Variants in NALF1 observed in about 807,000 individuals in gnomAD.
NALF1 encodes the protein NALCN channel auxiliary factor 1.
In NALF1, 3 loss-of-function variants were observed where a neutral mutation model predicts 48.4. The observed-to-expected ratio is 0.06, with a 90% CI of 0.03 to 0.16. The LOEUF is 0.16. Ranked by LOEUF, NALF1 falls within the 10% of genes least tolerant of loss-of-function variation. The pLI is 1.00. For synonymous variants in NALF1, 262 were observed against 245.7 expected, an observed-to-expected ratio of 1.07 and a Z score of -0.62; for missense variants, 526 against 571.5, an observed-to-expected ratio of 0.92 and a Z score of 0.81.
At chr13:107,214,448 A>C (rs961269601) in intron 1 of NALF1, among the ~76,000 whole-genome samples, 1 of 152,194 alleles carries the variant, frequency 6.6e-6, no homozygotes, top group Non-Finnish European at 1.5e-5. Flanking sequence ...ACTGCAGAGT[A>C]TAAATAATTA....
At chr13:107,800,341 T>C (rs1276503621) in intron 1 of NALF1, among the ~76,000 whole-genome samples, 1 of 152,070 alleles carries the variant, frequency 6.6e-6, no homozygotes, top group Non-Finnish European at 1.5e-5. Flanking sequence ...TATCGTATTT[T>C]TATTGTTATT....
At position 107,795,182 on chromosome 13, in the gene NALF1, T is replaced by G. The variant is rs375748070; in HGVS notation, c.915+70500A>C. Among the ~76,000 whole-genome samples the G allele has an allele frequency of 1.7e-4, 26 of 152,322 alleles. 1 individual carries two copies. Among genetic ancestry groups the G allele is most frequent in the African/African-American group, 6.3e-4 (26 of 41,580 alleles). On this transcript the variant is annotated intron_variant, in intron 1 of 2. Coordinates refer to ENST00000375915, the MANE Select transcript of NALF1 (RefSeq NM_001080396.3). ...CAAGCGTAACTACAAACCATGCCTG[T>G]GTTTCTGGATAAAATAAAACATAGC...
chr13:107,660,987 T>C (rs1880721761), intron 1 of NALF1, among the ~76,000 whole-genome samples: 1 of 152,230 alleles, frequency 6.6e-6, no homozygotes, highest in African/African-American at 2.4e-5. Context: ...AAAGGATTAC[T>C]TTCTTCATTG....
At chr13:107,216,915 C>T (rs966320038) in intron 1 of NALF1, among the ~76,000 whole-genome samples, 1 of 152,132 alleles carries the variant, frequency 6.6e-6, no homozygotes, top group Non-Finnish European at 1.5e-5. Context: ...GCTGTGCTTT[C>T]GCAAATAGAG....
In NALF1 at chr13:107,163,565, T is replaced by C. The variant is rs1023104203; in HGVS notation, c.*6932A>G. ...TTTGTATTTTAATAATTTTAGAAGT[T>C]GAAATTTAAGATCCAAGGCATTTCT... On this transcript the variant is annotated 3_prime_UTR_variant, in exon 3 of 3. Coordinates refer to ENST00000375915, the MANE Select transcript of NALF1 (RefSeq NM_001080396.3). 7 of 152,330 alleles carry C rather than the reference T, an allele frequency of 4.6e-5. No individual in the cohort carries two copies. The highest frequency in any genetic ancestry group is 1.7e-4 in the African/African-American group (7 of 41,572). The allele number at this position is 152,330 out of a possible 1,614,324, so 9.4% of individuals were successfully genotyped here.
chr13:107,229,561 G>A (rs1249159859), intron 1 of NALF1, among the ~76,000 whole-genome samples: 1 of 152,146 alleles, frequency 6.6e-6, no homozygotes, highest in Non-Finnish European at 1.5e-5. Flanking sequence ...AAGAGAGCAG[G>A]GTAAGGAGTC....
At chr13:107,258,307 T>C (rs1024964211) in intron 1 of NALF1, among the ~76,000 whole-genome samples, 6 of 152,240 alleles carry the variant, frequency 3.9e-5, no homozygotes, top group African/African-American at 1.2e-4. Context: ...TTGCTAAATC[T>C]GTATTTCAAG....
At chr13:107,418,374 T>C (rs1011295137) in intron 1 of NALF1, among the ~76,000 whole-genome samples, 4 of 152,144 alleles carry the variant, frequency 2.6e-5, no homozygotes, top group Admixed American at 2.0e-4. Context: ...ACTCCCAATA[T>C]GAGGCTGTAA....
At chr13:107,210,885 G>A (rs758158283) in intron 1 of NALF1, 130 bp from the exon 2 acceptor site, 23 of 617,856 alleles carry the variant, frequency 3.7e-5, no homozygotes, top group Admixed American at 1.1e-4. Context: ...GTGAGAAAGC[G>A]TATTTACACA....
chr13:107,373,606 A>T lies in NALF1; in HGVS notation c.916-162851T>A, dbSNP rs371427622. 9.8e-5 allele frequency among the ~76,000 whole-genome samples: 15 copies of T among 152,294 alleles called. No individual in the cohort carries two copies. In the South Asian group the frequency reaches 3.1e-3, roughly 32 times the overall value. On this transcript the variant is annotated intron_variant, in intron 1 of 2. Transcript: ENST00000375915. ...AGACTGAATAAAAAGGGCTCTACACATTTCCAGGGCTACTCCATCTGATTG... is the reference window on the plus strand; with the variant it reads ...AGACTGAATAAAAAGGGCTCTACACTTTTCCAGGGCTACTCCATCTGATTG...
intron 1 of NALF1, among the ~76,000 whole-genome samples, chr13:107,653,415 T>C (rs1432104196): frequency 6.6e-6 from 1 of 152,094 alleles, no homozygotes; most frequent in Non-Finnish European, 1.5e-5. Context: ...AGGAATCATT[T>C]ATTTTAGTCC....
At chr13:107,196,628 G>GA (rs1879398328) in intron 2 of NALF1, among the ~76,000 whole-genome samples, 1 of 152,232 alleles carries the variant, frequency 6.6e-6, no homozygotes, top group South Asian at 2.1e-4. Flanking sequence ...CTTACATGTG[G>GA]AATCTAAAAA....
At chr13:107,281,336 G>A (rs1456838909) in intron 1 of NALF1, among the ~76,000 whole-genome samples, 2 of 152,184 alleles carry the variant, frequency 1.3e-5, no homozygotes, top group Non-Finnish European at 2.9e-5. Context: ...ATTTTGCACA[G>A]CAGGAAGGAG....
chr13:107,578,846 A>G (rs1878223862), intron 1 of NALF1, among the ~76,000 whole-genome samples: 1 of 152,090 alleles, frequency 6.6e-6, no homozygotes, highest in Admixed American at 6.6e-5. Context: ...TTTGTATTTC[A>G]TTTCTTAAGT....
At chr13:107,668,526 T>C (rs898248335) in intron 1 of NALF1, among the ~76,000 whole-genome samples, 3 of 152,060 alleles carry the variant, frequency 2.0e-5, no homozygotes, top group African/African-American at 7.2e-5. Flanking sequence ...CTTCTGTTTG[T>C]CTGATACCTA....
intron 1 of NALF1, among the ~76,000 whole-genome samples, chr13:107,601,514 T>C (rs1285094923): frequency 6.6e-6 from 1 of 152,172 alleles, no homozygotes; most frequent in Admixed American, 6.6e-5. Flanking sequence ...CCAAATGCAG[T>C]TAGAATTCAC....
intron 1 of NALF1, among the ~76,000 whole-genome samples, chr13:107,404,609 C>T (rs1883868319): frequency 6.6e-6 from 1 of 151,984 alleles, no homozygotes; most frequent in Non-Finnish European, 1.5e-5. Flanking sequence ...GAACAATACA[C>T]AGAGATGTCA....
chr13:107,341,947 G>C (rs896751713), intron 1 of NALF1, among the ~76,000 whole-genome samples: 3 of 151,848 alleles, frequency 2.0e-5, no homozygotes, highest in African/African-American at 7.3e-5. Flanking sequence ...TTCTCACAGA[G>C]AGTAAATTCT....
intron 1 of NALF1, among the ~76,000 whole-genome samples, chr13:107,637,277 G>C (rs939476039): frequency 1.3e-5 from 2 of 151,742 alleles, no homozygotes; most frequent in African/African-American, 4.8e-5. Context: ...AATTTATTAA[G>C]GAAAACTTTA....
Sources: allele counts gnomAD v4.1 joint callset (sites outside exome capture counted in the v4.1 genomes callset), GRCh38; gene constraint gnomAD v4.1.1; transcripts MANE v1.5; gene names NCBI Gene and HGNC (gene_info 2026-07-23, HGNC 2026-07-21).